Variants in SLIT2 observed in about 807,000 individuals in gnomAD.
The protein encoded by SLIT2 is slit guidance ligand 2, also known as slit homolog 2 protein.
SLIT2 carries 41 observed loss-of-function variants against 185.7 expected under a neutral mutation model. That is an observed-to-expected ratio of 0.22 (90% confidence interval 0.17 to 0.29). The LOEUF is 0.29. Ranked by LOEUF, SLIT2 falls within the 10% of genes least tolerant of loss-of-function variation. SLIT2 has a pLI of 1.00. For synonymous variants in SLIT2, 693 were observed against 680.2 expected, an observed-to-expected ratio of 1.02 and a Z score of -0.29; for missense variants, 1,571 against 1,909.0, an observed-to-expected ratio of 0.82 and a Z score of 3.30.
At chr4:20,603,858 A>G (rs1457122281) in intron 33 of SLIT2, among the ~76,000 whole-genome samples, 1 of 152,210 alleles carries the variant, frequency 6.6e-6, no homozygotes, top group East Asian at 1.9e-4. Context: ...CATTGGGGAG[A>G]CAGAGAGTAG....
intron 4 of SLIT2, among the ~76,000 whole-genome samples, chr4:20,329,003 A>G (rs1318812902): frequency 1.3e-5 from 2 of 152,056 alleles, no homozygotes; most frequent in Non-Finnish European, 2.9e-5. Flanking sequence ...ATGTTAATCA[A>G]GTTATGGAAG....
chr4:20,350,857 C>T (rs1044263513), intron 4 of SLIT2, among the ~76,000 whole-genome samples: 3 of 151,966 alleles, frequency 2.0e-5, no homozygotes, highest in Admixed American at 1.3e-4. Context: ...ATAATTTCAA[C>T]TTTTACTTAT....
intron 4 of SLIT2, among the ~76,000 whole-genome samples, chr4:20,397,190 C>A (rs1323959863): frequency 1.3e-5 from 2 of 151,668 alleles, no homozygotes; most frequent in African/African-American, 4.8e-5. Flanking sequence ...GGGTAAGACA[C>A]CCTGTGTATT....
At chr4:20,291,435 C>G (rs1242940283) in intron 4 of SLIT2, among the ~76,000 whole-genome samples, 1 of 115,916 alleles carries the variant, frequency 8.6e-6, no homozygotes, top group Admixed American at 1.0e-4. Flanking sequence ...TATGTCTGCT[C>G]CTAAGAAACC....
At position 20,342,839 on chromosome 4, in the gene SLIT2, A is replaced by T. The variant is rs145702248; in HGVS notation, c.395+73958A>T. Among the ~76,000 whole-genome samples the T allele has an allele frequency of 2.7e-3, 407 of 150,982 alleles. 2 individuals carry two copies. Among genetic ancestry groups the T allele is most frequent in the Admixed American group, 5.2e-3 (79 of 15,110 alleles). On this transcript the variant is annotated intron_variant, in intron 4 of 36. Transcript: ENST00000504154. ...CTGTGGATAGTGGTACATGATTAGA[A>T]GCCTAAATGTGTAAGTCAGGAAACT...
chr4:20,467,161 T>C (rs1714450934), intron 4 of SLIT2, among the ~76,000 whole-genome samples: 1 of 152,222 alleles, frequency 6.6e-6, no homozygotes, highest in Non-Finnish European at 1.5e-5. Context: ...TAGAATTATT[T>C]AAAGAAGGTT....
chr4:20,464,874 G>A lies in SLIT2; in HGVS notation c.396-2878G>A, dbSNP rs554137578. On this transcript the variant is annotated intron_variant, in intron 4 of 36. Coordinates refer to ENST00000504154, the MANE Select transcript of SLIT2 (RefSeq NM_004787.4). Reference sequence around the variant, plus strand: ...ATTCACTTTATTCATCCTTCTGTTTGATATTCGCCTCATCTTCTTTACTCG... The same window carrying A: ...ATTCACTTTATTCATCCTTCTGTTTAATATTCGCCTCATCTTCTTTACTCG... 4.2e-4 allele frequency among the ~76,000 whole-genome samples: 63 copies of A among 151,624 alleles called. 2 individuals carry two copies. In the South Asian group the frequency reaches 0.013, roughly 32 times the overall value.
intron 33 of SLIT2, among the ~76,000 whole-genome samples, chr4:20,607,289 C>G (rs73801880): frequency 0.012 from 1,829 of 152,294 alleles, 31 homozygotes; most frequent in African/African-American, 0.042. Context: ...GCCACTGAAA[C>G]TTCCAACTAT....
intron 21 of SLIT2, among the ~76,000 whole-genome samples, chr4:20,544,797 G>A (rs1397086340): frequency 6.6e-6 from 1 of 151,996 alleles, no homozygotes; most frequent in African/African-American, 2.4e-5. Flanking sequence ...AACATTCATA[G>A]CGCACATTCT....
intron 6 of SLIT2, among the ~76,000 whole-genome samples, chr4:20,481,876 GAATT>G (rs751028211): frequency 4.6e-5 from 7 of 152,000 alleles, no homozygotes; most frequent in Non-Finnish European, 7.4e-5. Flanking sequence ...TTGTATGAAT[GAATT>G]GATTGGGATA....
chr4:20,268,963 C>A, intron 4 of SLIT2, 82 bp downstream of exon 4: 1 of 861,128 alleles, frequency 1.2e-6, no homozygotes, highest in Non-Finnish European at 2.0e-6. Context: ...TTTGTGTGTG[C>A]TTTCCTGGAA....
chr4:20,343,818 A>AT (rs1015548805), intron 4 of SLIT2, among the ~76,000 whole-genome samples: 4 of 151,438 alleles, frequency 2.6e-5, no homozygotes, highest in Non-Finnish European at 5.9e-5. Flanking sequence ...AAAAAAAAAA[A>AT]AAAATTGACA....
At chr4:20,463,452 T>TATATATATAG (rs1713953450) in intron 4 of SLIT2, among the ~76,000 whole-genome samples, 1 of 19,820 alleles carries the variant, frequency 5.0e-5, no homozygotes, top group African/African-American at 1.8e-4. Context: ...AACTGTGATA[T>TATATATATAG]ATATATATAT....
chr4:20,320,468 G>A (rs970279428), intron 4 of SLIT2, among the ~76,000 whole-genome samples: 1 of 152,012 alleles, frequency 6.6e-6, no homozygotes, highest in Non-Finnish European at 1.5e-5. Flanking sequence ...GGAAACAATT[G>A]TACTGAACTT....
At chr4:20,269,971 C>G (rs1204174405) in intron 4 of SLIT2, among the ~76,000 whole-genome samples, 2 of 151,878 alleles carry the variant, frequency 1.3e-5, no homozygotes, top group Admixed American at 6.6e-5. Context: ...AGAGTCTTTC[C>G]TGACTTTGTT....
At chr4:20,483,110 A>C (rs1177322102) in intron 6 of SLIT2, among the ~76,000 whole-genome samples, 2 of 152,078 alleles carry the variant, frequency 1.3e-5, no homozygotes, top group Non-Finnish European at 2.9e-5. Context: ...AAGGAACATT[A>C]ACTTACACAT....
intron 4 of SLIT2, among the ~76,000 whole-genome samples, chr4:20,432,539 T>C (rs1435104167): frequency 6.9e-6 from 1 of 145,102 alleles, no homozygotes; most frequent in Non-Finnish European, 1.5e-5. Flanking sequence ...TTTTTTTTTT[T>C]AATACTTGGC....
intron 4 of SLIT2, among the ~76,000 whole-genome samples, chr4:20,438,853 T>C (rs6849536): frequency 0.74 from 112,025 of 152,130 alleles, 41,646 homozygotes; most frequent in African/African-American, 0.83. Flanking sequence ...GGTTTATGTG[T>C]CATTTTCCAG....
chr4:20,388,489 T>C (rs774028898), intron 4 of SLIT2, among the ~76,000 whole-genome samples: 3 of 151,858 alleles, frequency 2.0e-5, no homozygotes, highest in Non-Finnish European at 4.4e-5. Context: ...ATTACGGAGA[T>C]ACGGCCAGGC....
Sources: allele counts gnomAD v4.1 joint callset (sites outside exome capture counted in the v4.1 genomes callset), GRCh38; gene constraint gnomAD v4.1.1; transcripts MANE v1.5; gene names NCBI Gene and HGNC (gene_info 2026-07-23, HGNC 2026-07-21).